ADAM17: variants seen among roughly 807,000 people sequenced by gnomAD.
The protein encoded by ADAM17 is disintegrin and metalloproteinase domain-containing protein 17.
ADAM17 carries 39 observed loss-of-function variants against 96.7 expected under a neutral mutation model. The observed-to-expected ratio is 0.40, with a 90% CI of 0.31 to 0.53. The LOEUF (loss-of-function observed/expected upper bound fraction) is 0.53, where lower values mean the gene tolerates loss of function less well. Ranked by LOEUF, ADAM17 falls within the 20% of genes least tolerant of loss-of-function variation. ADAM17 has a pLI of 0.44. For missense variants in ADAM17, 777 were observed against 1,013.2 expected, an observed-to-expected ratio of 0.77 and a Z score of 3.17; for synonymous variants, 344 against 359.2, an observed-to-expected ratio of 0.96 and a Z score of 0.48.
chr2:9,522,031 A>C (rs1028483133), intron 7 of ADAM17: 1 of 160,810 alleles, frequency 6.2e-6, no homozygotes, highest in Non-Finnish European at 1.4e-5. Context: ...ATCCTTCATC[A>C]GATGTAAAGA....
At chr2:9,550,024 T>G (rs1665532949) in intron 1 of ADAM17, among the ~76,000 whole-genome samples, 1 of 152,102 alleles carries the variant, frequency 6.6e-6, no homozygotes, top group Non-Finnish European at 1.5e-5. Flanking sequence ...ATAAAGCCAG[T>G]ACTGCTGTGA....
intron 14 of ADAM17, among the ~76,000 whole-genome samples, chr2:9,495,931 C>T (rs1217870857): frequency 6.7e-6 from 1 of 149,650 alleles, no homozygotes; most frequent in African/African-American, 2.5e-5. Flanking sequence ...AACTCCTGAG[C>T]TCAAGTGATC....
Position 9,490,040 on chromosome 2 carries a change from C to T in ADAM17, c.*137G>A. The T allele has an allele frequency of 1.3e-6, 1 of 791,306 alleles. No homozygotes were observed. The highest frequency in any genetic ancestry group is 1.9e-6 in the Non-Finnish European group (1 of 515,026). The allele number at this position is 791,306 out of a possible 1,614,324, so 49.0% of individuals were successfully genotyped here. A position where few individuals can be genotyped will look rare whatever the true frequency, so the allele number is the denominator to read the frequency against. On this transcript the variant is annotated 3_prime_UTR_variant, in exon 19 of 19. Coordinates refer to ENST00000310823, the MANE Select transcript of ADAM17 (RefSeq NM_003183.6). The stretch of plus-strand genomic sequence containing the variant: ...GCCAAACCACACAAGAACTGTTTAC[C>T]TGCAGGAAGTTCAAACACATGACCA...
In ADAM17 at chr2:9,489,932, C is replaced by CAAAAGATATTTTAAAAACTAAAACCT. The variant is rs1241056085; in HGVS notation, c.*219_*244dup. On this transcript the variant is annotated 3_prime_UTR_variant, in exon 19 of 19. Coordinates refer to ENST00000310823, the MANE Select transcript of ADAM17 (RefSeq NM_003183.6). Reference sequence around the variant, plus strand: ...TATTTTCTGCTTTTGCACCACAGGTCAAAAGATATTTTAAAAACTAAAACC... The same window carrying CAAAAGATATTTTAAAAACTAAAACCT: ...TATTTTCTGCTTTTGCACCACAGGTCAAAAGATATTTTAAAAACTAAAACCTAAAAGATATTTTAAAAACTAAAACC... 17 of 432,590 alleles carry CAAAAGATATTTTAAAAACTAAAACCT rather than the reference C, an allele frequency of 3.9e-5. No homozygotes were observed. The highest frequency in any genetic ancestry group is 2.4e-4 in the East Asian group (7 of 28,876). The allele number at this position is 432,590 out of a possible 1,614,324, so 26.8% of individuals were successfully genotyped here. A position where few individuals can be genotyped will look rare whatever the true frequency, so the allele number is the denominator to read the frequency against.
chr2:9,540,380 G>C (rs1665159516), intron 2 of ADAM17, among the ~76,000 whole-genome samples: 1 of 151,700 alleles, frequency 6.6e-6, no homozygotes, highest in Non-Finnish European at 1.5e-5. Flanking sequence ...AGCTGTCTAA[G>C]CCTTAATTTT....
intron 10 of ADAM17, among the ~76,000 whole-genome samples, chr2:9,514,876 A>G (rs1663981279): frequency 6.6e-6 from 1 of 152,054 alleles, no homozygotes; most frequent in Non-Finnish European, 1.5e-5. Flanking sequence ...CTCCATCTCA[A>G]AAAAGAAAAG....
chr2:9,491,577 C>T (rs1465170363), intron 17 of ADAM17, among the ~76,000 whole-genome samples: 3 of 132,386 alleles, frequency 2.3e-5, no homozygotes, highest in East Asian at 1.9e-4. Flanking sequence ...CGCACTGCCC[C>T]GGCCCATGGC....
At chr2:9,549,492 AGT>A (rs1572962973) in intron 1 of ADAM17, among the ~76,000 whole-genome samples, 1 of 152,318 alleles carries the variant, frequency 6.6e-6, no homozygotes, top group East Asian at 1.9e-4. Flanking sequence ...ATGTAAATAA[AGT>A]GTTATATGAG....
At chr2:9,538,586 A>C (rs541804135) in intron 2 of ADAM17, among the ~76,000 whole-genome samples, 2 of 152,354 alleles carry the variant, frequency 1.3e-5, no homozygotes, top group South Asian at 4.1e-4. Context: ...TTTTGTTTTA[A>C]AGCTAAGAGT....
rs1368881157 is a variant in ADAM17, at chr2:9,489,907, T to C, written c.*270A>G. 2 of 372,982 alleles carry C rather than the reference T, an allele frequency of 5.4e-6. No homozygotes were observed. The highest frequency in any genetic ancestry group is 4.8e-6 in the Non-Finnish European group (1 of 206,436). 23.1% of individuals were successfully genotyped at this position (372,982 alleles called of 1,614,324 possible). ...AAATATTCATAACCCAATCCAGCTGTATTTTCTGCTTTTGCACCACAGGTC... is the reference window on the plus strand; with the variant it reads ...AAATATTCATAACCCAATCCAGCTGCATTTTCTGCTTTTGCACCACAGGTC... On this transcript the variant is annotated 3_prime_UTR_variant, in exon 19 of 19. Coordinates refer to ENST00000310823, the MANE Select transcript of ADAM17 (RefSeq NM_003183.6).
At position 9,494,666 on chromosome 2, in the gene ADAM17, G is replaced by C. The variant is rs1401172960; in HGVS notation, c.1885C>G (p.Pro629Ala). The C allele has an allele frequency of 1.2e-6, 2 of 1,614,062 alleles. No individual in the cohort carries two copies. Among genetic ancestry groups the C allele is most frequent in the South Asian group, 2.2e-5 (2 of 91,084 alleles). Residue 629 changes from proline (P) to alanine (A), a missense_variant, in exon 15 of 19, where the codon CCC (proline) becomes GCC (alanine). Transcript: ENST00000310823. ...QKNLFLRKGKPCTVGFCDMNG... is the reference protein window; with the variant it reads ...QKNLFLRKGKACTVGFCDMNG... ...ATGTCACAAAATCCTACTGTACAGG[G>C]CTTTCCTTTCCTCAAAAATAAGTTC... is the stretch of plus-strand genomic sequence containing the variant.
intron 2 of ADAM17, among the ~76,000 whole-genome samples, chr2:9,539,257 G>A (rs1487833421): frequency 6.6e-6 from 1 of 151,904 alleles, no homozygotes; most frequent in Non-Finnish European, 1.5e-5. Context: ...ACAGGCGCCT[G>A]CTACCACGCC....
Position 9,488,673 on chromosome 2 carries a change from A to G in ADAM17, c.*1504T>C, listed in dbSNP as rs553689794. On this transcript the variant is annotated 3_prime_UTR_variant, in exon 19 of 19. Transcript: ENST00000310823. Reference sequence around the variant, plus strand: ...ATACATACACCCACACACCCCACTCAACCTTGTATCAAATTCCAAAAGTGT... The same window carrying G: ...ATACATACACCCACACACCCCACTCGACCTTGTATCAAATTCCAAAAGTGT... 5.9e-6 allele frequency: 1 copy of G among 169,840 alleles called. No homozygotes were observed. The highest frequency in any genetic ancestry group is 2.4e-5 in the African/African-American group (1 of 42,278). 10.5% of individuals were successfully genotyped at this position (169,840 alleles called of 1,614,324 possible).
chr2:9,500,073 G>A (rs750882382), intron 13 of ADAM17, among the ~76,000 whole-genome samples: 19 of 117,822 alleles, frequency 1.6e-4, no homozygotes, highest in Non-Finnish European at 2.6e-4. Context: ...CAAAGGAACT[G>A]TCCACACAAA....
chr2:9,519,742 T>C (rs1435525166), intron 8 of ADAM17, among the ~76,000 whole-genome samples: 1 of 152,190 alleles, frequency 6.6e-6, no homozygotes, highest in African/African-American at 2.4e-5. Context: ...GGAAGGACCA[T>C]GTGAGAACAC....
chr2:9,497,108 G>T lies in ADAM17; in HGVS notation c.1783+6C>A. ...CTGCTGCTGGACTGGGAATAAAACT[G>T]CTCACCATTACATGCACAGGACTCC... is the stretch of plus-strand genomic sequence containing the variant. On this transcript the variant is annotated splice_donor_region_variant and intron_variant, in intron 14 of 18. Transcript: ENST00000310823. 1 of 1,613,028 alleles carries T rather than the reference G, an allele frequency of 6.2e-7. No homozygotes were observed. Among genetic ancestry groups the T allele is most frequent in the East Asian group, 2.2e-5 (1 of 44,800 alleles).
intron 10 of ADAM17, among the ~76,000 whole-genome samples, chr2:9,511,319 G>A (rs575853100): frequency 7.2e-5 from 11 of 152,080 alleles, no homozygotes; most frequent in East Asian, 5.8e-4. Context: ...GTGTGGTGGC[G>A]CACGCCTGTA....
Position 9,518,215 on chromosome 2 carries a change from A to G in ADAM17, c.990T>C (p.Ser330=), listed in dbSNP as rs1439930675. Residue 330 remains serine, a synonymous_variant, in exon 9 of 19, where the codon TCT becomes TCC. Coordinates refer to ENST00000310823, the MANE Select transcript of ADAM17 (RefSeq NM_003183.6). The part of the protein sequence containing the change: ...QFSFDIAEEA[S]KVCLAHLFTY... ...TGAAAAGGTGTGCCAAGCAAACTTT[A>G]GATGCTTCCTCAGCTATATCAAAGC... The G allele has an allele frequency of 1.3e-6, 2 of 1,500,012 alleles. No individual in the cohort carries two copies. Among genetic ancestry groups the G allele is most frequent in the South Asian group, 2.4e-5 (2 of 83,068 alleles). The allele number at this position is 1,500,012 out of a possible 1,614,324, so 92.9% of individuals were successfully genotyped here. A position where few individuals can be genotyped will look rare whatever the true frequency, so the allele number is the denominator to read the frequency against.
intron 11 of ADAM17, among the ~76,000 whole-genome samples, chr2:9,508,994 A>AG (rs199686661): frequency 2.0e-5 from 3 of 152,006 alleles, no homozygotes; most frequent in African/African-American, 7.2e-5. Context: ...AAAAAGCCAA[A>AG]AAAAAATGAG....
Sources: gnomAD v4.1 joint callset for allele counts (sites outside exome capture counted in the v4.1 genomes callset) on GRCh38, gnomAD v4.1.1 for gene constraint, MANE v1.5 for transcripts, NCBI Gene and HGNC (gene_info 2026-07-23, HGNC 2026-07-21) for gene names.